The following MEPCE variants were observed in gnomAD, a reference collection of about 807,000 sequenced individuals.
MEPCE encodes 7SK snRNA methylphosphate capping enzyme.
MEPCE carries 9 observed loss-of-function variants against 52.3 expected under a neutral mutation model. That is an observed-to-expected ratio of 0.17 (90% CI 0.10 to 0.30). The LOEUF (loss-of-function observed/expected upper bound fraction) is 0.30. Ranked by LOEUF, MEPCE falls within the 10% of genes least tolerant of loss-of-function variation. The probability of loss-of-function intolerance (pLI) is 1.00; values close to 1 mark genes in which losing one functional copy is unlikely to be tolerated. For missense variants in MEPCE, 826 were observed against 933.0 expected (o/e 0.89, Z 1.49); for synonymous variants, 477 against 401.6 (o/e 1.19, Z -2.25).
Position 100,430,676 on chromosome 7 carries a change from C to A in MEPCE, c.658C>A (p.Pro220Thr). 6.2e-7 allele frequency: 1 copy of A among 1,613,850 alleles called. No homozygotes were observed. The highest frequency in any genetic ancestry group is 8.5e-7 in the Non-Finnish European group (1 of 1,180,012). Residue 220 changes from proline (P) to threonine (T), a missense_variant, in exon 1 of 4, where the codon CCG becomes ACG. Pro to Thr is a conservative substitution (Grantham distance 38). Transcript: ENST00000310512. The stretch of plus-strand genomic sequence containing the variant: ...GGAGACCCCTAAGTCATCCCCCCTT[C>A]CGGCCAAAGGGCGAGATCCGGTGGA... ...NAETPKSSPL[P>T]AKGRDPVEIL...
chr7:100,433,839 A>G lies in MEPCE; in HGVS notation c.*285A>G. On this transcript the variant is annotated 3_prime_UTR_variant, in exon 4 of 4. Coordinates refer to ENST00000310512, the MANE Select transcript of MEPCE (RefSeq NM_019606.6). Reference sequence around the variant, plus strand: ...TTGCTGACCTCTGTTCTCTTAGGGCATGGGAGGTGGGAGGATATCAAATTC... The same window carrying G: ...TTGCTGACCTCTGTTCTCTTAGGGCGTGGGAGGTGGGAGGATATCAAATTC... 2.0e-6 allele frequency: 1 copy of G among 493,222 alleles called. No individual in the cohort carries two copies. The highest frequency in any genetic ancestry group is 3.6e-6 in the Non-Finnish European group (1 of 277,154). 30.6% of individuals were successfully genotyped at this position (493,222 alleles called of 1,614,324 possible). A position where few individuals can be genotyped will look rare whatever the true frequency, so the allele number is the denominator to read the frequency against.
In MEPCE at chr7:100,430,356, G is replaced by A. The variant is rs1234574179; in HGVS notation, c.338G>A (p.Gly113Glu). The A allele has an allele frequency of 1.7e-5, 24 of 1,435,770 alleles. No homozygotes were observed. In the Admixed American group the frequency reaches 6.8e-4, roughly 41 times the overall value. The allele number at this position is 1,435,770 out of a possible 1,614,324, so 88.9% of individuals were successfully genotyped here. A position where few individuals can be genotyped will look rare whatever the true frequency, so the allele number is the denominator to read the frequency against. ...GGGCGAGCCGCTCCCCCGGACGTGG[G>A]GGAGGAGCGCCGGGGAGGGGGCGGG... ...PPGRAAPPDV[G>E]EERRGGGGTE... is the part of the protein sequence containing the mutation. The change falls in exon 1 of 4, where the codon GGG becomes GAG. Residue 113 changes from glycine to glutamate, a missense_variant. Around this residue, in one of 7 missense-constraint regions of MEPCE, gnomAD observed 314 missense variants for 277.7 expected, o/e 1.13. Transcript: ENST00000310512.
chr7:100,429,317 T>G (rs2130987127), upstream of MEPCE: 1 of 152,302 alleles, frequency 6.6e-6, no homozygotes, highest in African/African-American at 2.4e-5. Flanking sequence ...GGGGCGCCAG[T>G]TTCAGCACGT....
upstream of MEPCE, chr7:100,429,661 C>T (rs1002682594): frequency 2.7e-5 from 6 of 219,234 alleles, no homozygotes; most frequent in Admixed American, 1.2e-4. Flanking sequence ...TAAGTTGGTT[C>T]GTAGTCTGAT....
chr7:100,433,478 T>A, intron 3 of MEPCE, 24 bp from the exon 4 acceptor site: 1 of 1,614,066 alleles, frequency 6.2e-7, no homozygotes, highest in Non-Finnish European at 8.5e-7. Flanking sequence ...GCCAACCCCT[T>A]CTGATCACTC....
chr7:100,431,595 CGCTG>C lies in MEPCE; in HGVS notation c.1578_1581del (p.Thr528ProfsTer61). The C allele has an allele frequency of 6.2e-7, 1 of 1,611,366 alleles. No individual in the cohort carries two copies. Reference sequence around the variant, plus strand: ...CGAAAGAGGAGCTGCTTCCCAGCCTCGCTGACTGCCAGCCGGGGTCCCATCGCTG... The same window carrying C: ...CGAAAGAGGAGCTGCTTCCCAGCCTCACTGCCAGCCGGGGTCCCATCGCTG... On this transcript the variant is annotated frameshift_variant, in exon 1 of 4. Coordinates refer to ENST00000310512, the MANE Select transcript of MEPCE (RefSeq NM_019606.6). LOFTEE classifies it high-confidence loss of function.
At position 100,429,909 on chromosome 7, in the gene MEPCE, G is replaced by C; in HGVS notation, c.-110G>C. 4.5e-6 allele frequency: 4 copies of C among 896,800 alleles called. No homozygotes were observed. The highest frequency in any genetic ancestry group is 5.9e-6 in the Non-Finnish European group (4 of 681,826). 55.6% of individuals were successfully genotyped at this position (896,800 alleles called of 1,614,324 possible). ...GGCGCGAGACTAGGCGTGAAGAGCA[G>C]AGCTGCGCGCGCACTCGGGAAAGGG... On this transcript the variant is annotated 5_prime_UTR_variant, in exon 1 of 4. Coordinates refer to ENST00000310512, the MANE Select transcript of MEPCE (RefSeq NM_019606.6).
At position 100,430,769 on chromosome 7, in the gene MEPCE, G is replaced by A. The variant is rs770400823; in HGVS notation, c.751G>A (p.Val251Ile). The change falls in exon 1 of 4, where the codon GTT becomes ATT. Residue 251 changes from valine to isoleucine, a missense_variant. Coordinates refer to ENST00000310512, the MANE Select transcript of MEPCE (RefSeq NM_019606.6). ...TACTTGCACTGATGAGGGCCATGTA[G>A]TTCTTGCTTCGCCACTCAAGACTGG... ...LNTCTDEGHV[V>I]LASPLKTGRK... The A allele has an allele frequency of 4.3e-6, 7 of 1,613,754 alleles. No individual in the cohort carries two copies. Among genetic ancestry groups the A allele is most frequent in the Non-Finnish European group, 5.9e-6 (7 of 1,180,018 alleles).
chr7:100,433,738 G>A lies in MEPCE; in HGVS notation c.*184G>A, dbSNP rs76815255. 3,506 of 630,440 alleles carry A rather than the reference G, an allele frequency of 5.6e-3. 79 individuals carry two copies. The highest frequency in any genetic ancestry group is 0.052 in the East Asian group (1,883 of 36,174). 39.1% of individuals were successfully genotyped at this position (630,440 alleles called of 1,614,324 possible). ...TCCTCCCTATGCCTCTGGCACCTGC[G>A]CAGCAAGGCTGGCTGTGCTGGAGTC... On this transcript the variant is annotated 3_prime_UTR_variant, in exon 4 of 4. Transcript: ENST00000310512.
Position 100,433,035 on chromosome 7 carries a change from GAA to G in MEPCE, c.1789_1790del (p.Lys597AlafsTer65). On this transcript the variant is annotated frameshift_variant, in exon 2 of 4. Transcript: ENST00000310512. LOFTEE classifies it high-confidence loss of function. ...VHLNWGDEGL[K>X]RMFRRIYRHL... is the part of the protein sequence containing the mutation. Reference sequence around the variant, plus strand: ...ATCTGAACTGGGGAGACGAGGGCCTGAAGCGCATGTTTCGCCGGATCTACCGG... The same window carrying G: ...ATCTGAACTGGGGAGACGAGGGCCTGGCGCATGTTTCGCCGGATCTACCGG... 1 of 1,614,066 alleles carries G rather than the reference GAA, an allele frequency of 6.2e-7. No homozygotes were observed. The highest frequency in any genetic ancestry group is 1.1e-5 in the South Asian group (1 of 91,090).
intron 1 of MEPCE, among the ~76,000 whole-genome samples, 200 bp from the exon 2 acceptor site, chr7:100,432,719 A>C (rs1472117720): frequency 6.6e-6 from 1 of 152,242 alleles, no homozygotes; most frequent in African/African-American, 2.4e-5. Flanking sequence ...TACCACCAGT[A>C]GGAAGAAGCA....
At position 100,431,251 on chromosome 7, in the gene MEPCE, C is replaced by A; in HGVS notation, c.1233C>A (p.Arg411=). ...LPAAGFKKQQ[R]KFQYGNYCKY... ...CAGCAGGCTTCAAAAAGCAACAGCG[C>A]AAGTTCCAGTATGGGAATTATTGCA... Residue 411 remains arginine (R), a synonymous_variant, in exon 1 of 4, where the codon CGC becomes CGA. Coordinates refer to ENST00000310512, the MANE Select transcript of MEPCE (RefSeq NM_019606.6). The A allele has an allele frequency of 6.2e-7, 1 of 1,614,106 alleles. No individual in the cohort carries two copies. The highest frequency in any genetic ancestry group is 8.5e-7 in the Non-Finnish European group (1 of 1,180,034).
rs1798776088 is a variant in MEPCE, at chr7:100,433,310, G to A, written c.1938G>A (p.Gln646=). The A allele has an allele frequency of 3.1e-6, 5 of 1,614,094 alleles. No homozygotes were observed. Among genetic ancestry groups the A allele is most frequent in the Non-Finnish European group, 4.2e-6 (5 of 1,180,052 alleles). The change falls in exon 3 of 4, where the codon CAG becomes CAA. Residue 646 remains glutamine (Q), a synonymous_variant. Transcript: ENST00000310512. ...ACCGAATCCAATTGAAGCCAGAGCA[G>A]TTCAGTTCCTACCTGACATCCCCAG... ...NYYRIQLKPE[Q]FSSYLTSPDV... is the part of the protein sequence containing the mutation.
chr7:100,431,828 C>T, intron 1 of MEPCE, 139 bp downstream of exon 1: 3 of 794,198 alleles, frequency 3.8e-6, no homozygotes, highest in East Asian at 2.7e-5. Flanking sequence ...CTGGGCGTCT[C>T]TCCCCTCTTA....
chr7:100,432,167 T>C (rs1335778001), intron 1 of MEPCE, among the ~76,000 whole-genome samples: 1 of 152,188 alleles, frequency 6.6e-6, no homozygotes, highest in African/African-American at 2.4e-5. Context: ...TCAGCGGCTT[T>C]TGTTTTCCTA....
Position 100,434,022 on chromosome 7 carries a change from A to C in MEPCE, c.*468A>C, listed in dbSNP as rs1798802192. 1 of 163,234 alleles carries C rather than the reference A, an allele frequency of 6.1e-6. No homozygotes were observed. The allele number at this position is 163,234 out of a possible 1,614,324, so 10.1% of individuals were successfully genotyped here. Reference sequence around the variant, plus strand: ...GGCAGGGAGGCACGCAGGTACTGTGAAAATCCTTCCCTTTGCCCTCCCCCA... The same window carrying C: ...GGCAGGGAGGCACGCAGGTACTGTGCAAATCCTTCCCTTTGCCCTCCCCCA... On this transcript the variant is annotated 3_prime_UTR_variant, in exon 4 of 4. Coordinates refer to ENST00000310512, the MANE Select transcript of MEPCE (RefSeq NM_019606.6).
At position 100,431,479 on chromosome 7, in the gene MEPCE, C is replaced by G. The variant is rs772447545; in HGVS notation, c.1461C>G (p.Ile487Met). ...SRLIHSARQN[I>M]RHYLSEELRL... is the part of the protein sequence containing the mutation. ...TCATCCATTCTGCCCGCCAAAACAT[C>G]CGACACTACCTTTCCGAGGAGCTGC... The change falls in exon 1 of 4, where the codon ATC becomes ATG. Residue 487 changes from isoleucine to methionine, a missense_variant. Around this residue, in one of 7 missense-constraint regions of MEPCE, gnomAD observed 107 missense variants for 157.9 expected, o/e 0.68. Transcript: ENST00000310512. 7.4e-6 allele frequency: 12 copies of G among 1,613,760 alleles called. No homozygotes were observed. The highest frequency in any genetic ancestry group is 1.0e-5 in the Non-Finnish European group (12 of 1,180,040).
Position 100,430,999 on chromosome 7 carries a change from A to C in MEPCE, c.981A>C (p.Glu327Asp). The change falls in exon 1 of 4, where the codon GAA (glutamate) becomes GAC (aspartate). Residue 327 changes from glutamate (E) to aspartate (D), a missense_variant. Transcript: ENST00000310512. ...ACACAGCCATCAACTGCAGGGATGA[A>C]GTGGTGTCTCCCCTTCCATCTGCTC... ...ELNTAINCRD[E>D]VVSPLPSALQ... is the part of the protein sequence containing the mutation. 2 of 1,613,512 alleles carry C rather than the reference A, an allele frequency of 1.2e-6. No homozygotes were observed. The highest frequency in any genetic ancestry group is 1.7e-6 in the Non-Finnish European group (2 of 1,179,730).
Position 100,429,993 on chromosome 7 carries a change from C to G in MEPCE, c.-26C>G, listed in dbSNP as rs1360118696. The G allele has an allele frequency of 1.6e-6, 2 of 1,245,820 alleles. No homozygotes were observed. The highest frequency in any genetic ancestry group is 2.0e-6 in the Non-Finnish European group (2 of 994,332). The allele number at this position is 1,245,820 out of a possible 1,614,324, so 77.2% of individuals were successfully genotyped here. On this transcript the variant is annotated 5_prime_UTR_variant, in exon 1 of 4. Coordinates refer to ENST00000310512, the MANE Select transcript of MEPCE (RefSeq NM_019606.6). The stretch of plus-strand genomic sequence containing the variant: ...GGCCCCCTGATCCCCCTCGTTACCC[C>G]GACTGGCACGGAATAAGGGGAGGAA...
Sources: allele counts gnomAD v4.1 joint callset (sites outside exome capture counted in the v4.1 genomes callset), GRCh38; gene constraint gnomAD v4.1.1; regional missense constraint gnomAD v4.1.1; transcripts MANE v1.5; gene names NCBI Gene and HGNC (gene_info 2026-07-23, HGNC 2026-07-21).